ENTREP2: variants seen among roughly 807,000 people sequenced by gnomAD.
ENTREP2 encodes endosomal transmembrane epsin interactor 2, also known as protein ENTREP2.
At chr15:29,664,146 G>A in the ENTREP2 span, among the ~76,000 whole-genome samples, 4 of 152,168 alleles carry the variant, frequency 2.6e-5, no homozygotes, top group South Asian at 4.2e-4. Flanking sequence ...TGCTATAAAC[G>A]TTAAGTGCCT....
At chr15:29,559,522 A>T in the ENTREP2 span, among the ~76,000 whole-genome samples, 2 of 152,088 alleles carry the variant, frequency 1.3e-5, no homozygotes, top group Non-Finnish European at 2.9e-5. Context: ...AGAGGTGCAA[A>T]TCAGTCTCAC....
chr15:29,404,050 T>G, the ENTREP2 span, among the ~76,000 whole-genome samples: 2 of 150,582 alleles, frequency 1.3e-5, no homozygotes, highest in African/African-American at 4.9e-5. Context: ...GAGACTGGAG[T>G]GCAGAGCCCA....
chr15:29,186,104 G>A, the ENTREP2 span, among the ~76,000 whole-genome samples: 1 of 152,088 alleles, frequency 6.6e-6, no homozygotes, highest in Non-Finnish European at 1.5e-5. Context: ...TAGAGTGACT[G>A]GGGTACTTTA....
chr15:29,634,465 T>G, the ENTREP2 span, among the ~76,000 whole-genome samples: 2 of 152,174 alleles, frequency 1.3e-5, no homozygotes, highest in Non-Finnish European at 2.9e-5. Flanking sequence ...AAACCCAAAA[T>G]GCTTTTTCTA....
At chr15:29,240,364 GAAAAA>G in the ENTREP2 span, among the ~76,000 whole-genome samples, 1 of 118,230 alleles carries the variant, frequency 8.5e-6, no homozygotes, top group Non-Finnish European at 1.8e-5. Flanking sequence ...CTCCGTCTCA[GAAAAA>G]AAAAAAAAAA....
chr15:29,459,610 T>C, the ENTREP2 span, among the ~76,000 whole-genome samples: 223 of 152,258 alleles, frequency 1.5e-3, no homozygotes, highest in South Asian at 3.5e-3. Context: ...CTAACTACAC[T>C]GACATTGAGA....
the ENTREP2 span, among the ~76,000 whole-genome samples, chr15:29,350,444 T>A: frequency 6.6e-6 from 1 of 152,214 alleles, no homozygotes; most frequent in Non-Finnish European, 1.5e-5. Flanking sequence ...TTGCCTCTAT[T>A]GCTTCTTGGA....
the ENTREP2 span, among the ~76,000 whole-genome samples, chr15:29,583,665 T>A: frequency 3.9e-5 from 6 of 152,200 alleles, no homozygotes; most frequent in African/African-American, 7.2e-5. Flanking sequence ...ATAATTTTTT[T>A]AAAAAGTAAG....
At chr15:29,410,232 T>C in the ENTREP2 span, among the ~76,000 whole-genome samples, 1 of 152,238 alleles carries the variant, frequency 6.6e-6, no homozygotes, top group Non-Finnish European at 1.5e-5. Flanking sequence ...CTGAAACTTT[T>C]CTGGCATACT....
the ENTREP2 span, among the ~76,000 whole-genome samples, chr15:29,481,145 T>C: frequency 1.6e-3 from 242 of 152,234 alleles, 2 homozygotes; most frequent in African/African-American, 5.6e-3. Flanking sequence ...CATCCCTGCT[T>C]CCAGATGCCA....
At chr15:29,642,676 G>A in the ENTREP2 span, among the ~76,000 whole-genome samples, 1 of 151,526 alleles carries the variant, frequency 6.6e-6, no homozygotes, top group Non-Finnish European at 1.5e-5. Context: ...GCAGTGGCAC[G>A]ATCTCGGCTC....
the ENTREP2 span, among the ~76,000 whole-genome samples, chr15:29,526,172 C>T: frequency 2.0e-5 from 3 of 152,268 alleles, no homozygotes; most frequent in South Asian, 6.2e-4. Context: ...TAGTGCTACA[C>T]CTGGCAAAAA....
the ENTREP2 span, among the ~76,000 whole-genome samples, chr15:29,287,118 A>T: frequency 6.6e-6 from 1 of 151,792 alleles, no homozygotes; most frequent in Non-Finnish European, 1.5e-5. Context: ...CCTCCTCATC[A>T]CTCCTGCATG....
the ENTREP2 span, among the ~76,000 whole-genome samples, chr15:29,276,115 T>C: frequency 6.6e-6 from 1 of 152,188 alleles, no homozygotes; most frequent in Admixed American, 6.5e-5. Context: ...CCCTCATAAA[T>C]GAATATTTTG....
At chr15:29,403,114 C>CA in the ENTREP2 span, among the ~76,000 whole-genome samples, 2 of 152,144 alleles carry the variant, frequency 1.3e-5, no homozygotes, top group African/African-American at 4.8e-5. Flanking sequence ...GCAGGATGAC[C>CA]AACAAGGTGT....
chr15:29,601,109 G>C, the ENTREP2 span, among the ~76,000 whole-genome samples: 2 of 148,926 alleles, frequency 1.3e-5, no homozygotes, highest in Non-Finnish European at 2.9e-5. Flanking sequence ...GTGTTAGCCA[G>C]GATGGTCTCG....
At chr15:29,238,387 C>G in the ENTREP2 span, among the ~76,000 whole-genome samples, 2,321 of 152,200 alleles carry the variant, frequency 0.015, 82 homozygotes, top group African/African-American at 0.053. Context: ...AATCCCAGCA[C>G]TTTGGGAGGC....
At chr15:29,599,158 T>C in the ENTREP2 span, among the ~76,000 whole-genome samples, 1 of 152,246 alleles carries the variant, frequency 6.6e-6, no homozygotes, top group African/African-American at 2.4e-5. Context: ...CATGTGACTA[T>C]GAACTTAATA....
At chr15:29,413,435 A>G in the ENTREP2 span, among the ~76,000 whole-genome samples, 1 of 152,328 alleles carries the variant, frequency 6.6e-6, no homozygotes, top group African/African-American at 2.4e-5. Context: ...TCAAAAGTAT[A>G]TAAGCATAAA....
Sources: gnomAD v4.1 joint callset for allele counts (sites outside exome capture counted in the v4.1 genomes callset) on GRCh38, gnomAD v4.1.1 for gene constraint, MANE v1.5 for transcripts, NCBI Gene and HGNC (gene_info 2026-07-23, HGNC 2026-07-21) for gene names.